Variants in CCSER1 observed in about 807,000 individuals in gnomAD.
CCSER1 encodes serine-rich coiled-coil domain-containing protein 1.
CCSER1 carries 41 observed loss-of-function variants against 82.0 expected under a neutral mutation model. The ratio of observed to expected loss-of-function variants is 0.50; its 90% confidence interval spans 0.39 to 0.65. CCSER1 has a LOEUF of 0.65. CCSER1 is among the 30% of genes least tolerant of loss of function. The pLI, the probability that CCSER1 is intolerant of heterozygous loss-of-function variation, is 0.00. For synonymous variants in CCSER1, 414 were observed against 383.9 expected (o/e 1.08, Z -0.92); for missense variants, 1,119 against 1,064.2 (o/e 1.05, Z -0.72).
chr4:90,324,175 G>A (rs1737694844), intron 3 of CCSER1, among the ~76,000 whole-genome samples: 1 of 152,158 alleles, frequency 6.6e-6, no homozygotes, highest in African/African-American at 2.4e-5. Flanking sequence ...AATCCTTTGG[G>A]TATATACCCA....
At chr4:91,152,909 G>A (rs1189892145) in intron 10 of CCSER1, among the ~76,000 whole-genome samples, 1 of 151,782 alleles carries the variant, frequency 6.6e-6, no homozygotes, top group Admixed American at 6.6e-5. Flanking sequence ...TCCCTATTTG[G>A]GTAACCCATC....
In CCSER1 at chr4:90,470,330, A is replaced by G. The variant is rs562059933; in HGVS notation, c.1724+1976A>G. ...TAATGATGCCATCTATCAAATGGAA[A>G]TTGTTTATGTCCTACATACCCAACA... On this transcript the variant is annotated intron_variant, in intron 5 of 10. Transcript: ENST00000509176. 7.2e-5 allele frequency among the ~76,000 whole-genome samples: 11 copies of G among 152,316 alleles called. No homozygotes were observed. In the South Asian group the frequency reaches 2.1e-3, roughly 29 times the overall value.
chr4:90,302,894 G>A (rs1185270189), intron 1 of CCSER1, among the ~76,000 whole-genome samples: 3 of 152,096 alleles, frequency 2.0e-5, no homozygotes, highest in Non-Finnish European at 4.4e-5. Context: ...AGTGAAAGCG[G>A]AGCATGAAGT....
intron 4 of CCSER1, among the ~76,000 whole-genome samples, chr4:90,449,403 G>A (rs1255756557): frequency 6.6e-6 from 1 of 152,326 alleles, no homozygotes; most frequent in East Asian, 1.9e-4. Context: ...CAGTTCCCAG[G>A]TTTCAAGCTA....
chr4:90,914,939 C>T (rs1727075915), intron 8 of CCSER1, among the ~76,000 whole-genome samples: 1 of 152,116 alleles, frequency 6.6e-6, no homozygotes, highest in Admixed American at 6.5e-5. Flanking sequence ...TTCCAGGACA[C>T]ATACAGCCTC....
chr4:91,474,812 T>TAC (rs67642697), intron 10 of CCSER1, among the ~76,000 whole-genome samples: 85 of 66,104 alleles, frequency 1.3e-3, no homozygotes, highest in South Asian at 4.5e-3. Context: ...TATATATATA[T>TAC]ACACACACAC....
At chr4:91,404,235 T>A (rs546534752) in intron 10 of CCSER1, among the ~76,000 whole-genome samples, 2 of 152,286 alleles carry the variant, frequency 1.3e-5, no homozygotes, top group South Asian at 4.1e-4. Flanking sequence ...GTGTGATCGG[T>A]GGTCATATCC....
intron 6 of CCSER1, among the ~76,000 whole-genome samples, chr4:90,656,321 T>C (rs1288462083): frequency 6.6e-6 from 1 of 151,772 alleles, no homozygotes; most frequent in East Asian, 1.9e-4. Context: ...TATGAATTTT[T>C]CTATTTATCT....
intron 10 of CCSER1, among the ~76,000 whole-genome samples, chr4:91,092,172 G>A (rs1053247849): frequency 6.6e-6 from 1 of 152,034 alleles, no homozygotes; most frequent in Admixed American, 6.6e-5. Flanking sequence ...CACCTTTCCG[G>A]AACTGTGAGG....
intron 9 of CCSER1, among the ~76,000 whole-genome samples, chr4:91,073,891 A>G (rs1383875170): frequency 1.3e-5 from 2 of 152,072 alleles, no homozygotes; most frequent in African/African-American, 2.4e-5. Context: ...ACAACTCTCT[A>G]TATCCTCCTC....
intron 9 of CCSER1, among the ~76,000 whole-genome samples, chr4:91,058,324 G>T (rs185065095): frequency 6.6e-6 from 1 of 151,980 alleles, no homozygotes; most frequent in East Asian, 1.9e-4. Flanking sequence ...AAAACAACAA[G>T]ATAATGTTCT....
intron 4 of CCSER1, among the ~76,000 whole-genome samples, chr4:90,461,659 A>G (rs1762948983): frequency 6.6e-6 from 1 of 151,992 alleles, no homozygotes; most frequent in Non-Finnish European, 1.5e-5. Context: ...CTTGGCTAGC[A>G]TCTTTTCTTT....
chr4:91,205,980 T>C (rs1296010856), intron 10 of CCSER1, among the ~76,000 whole-genome samples: 2 of 151,732 alleles, frequency 1.3e-5, no homozygotes, highest in Non-Finnish European at 2.9e-5. Context: ...CATCTTACAA[T>C]ATGAGAAGTG....
intron 8 of CCSER1, among the ~76,000 whole-genome samples, chr4:90,914,352 G>A (rs527810417): frequency 6.6e-5 from 10 of 152,078 alleles, no homozygotes; most frequent in East Asian, 3.8e-4. Context: ...ACTCAAAACC[G>A]CTCAACTACA....
chr4:90,693,106 T>C (rs1389929144), intron 6 of CCSER1, among the ~76,000 whole-genome samples: 1 of 151,944 alleles, frequency 6.6e-6, no homozygotes, highest in Non-Finnish European at 1.5e-5. Context: ...CACTAAATCT[T>C]ACTCTATTCA....
chr4:91,225,200 T>TATATA (rs1738054116), intron 10 of CCSER1, among the ~76,000 whole-genome samples: 1 of 141,222 alleles, frequency 7.1e-6, no homozygotes, highest in Non-Finnish European at 1.5e-5. Context: ...TTATATATAA[T>TATATA]ATATATAATA....
At chr4:91,547,926 C>T (rs1308743580) in intron 10 of CCSER1, among the ~76,000 whole-genome samples, 1 of 151,990 alleles carries the variant, frequency 6.6e-6, no homozygotes, top group Non-Finnish European at 1.5e-5. Flanking sequence ...GGATTACAGG[C>T]GCATGCCACC....
intron 1 of CCSER1, among the ~76,000 whole-genome samples, chr4:90,159,096 C>T (rs1451739629): frequency 1.3e-5 from 2 of 152,126 alleles, no homozygotes; most frequent in African/African-American, 4.8e-5. Context: ...TGTAGTGGTA[C>T]AATCATAGCT....
intron 7 of CCSER1, among the ~76,000 whole-genome samples, chr4:90,748,352 C>T (rs1747907926): frequency 6.6e-6 from 1 of 151,464 alleles, no homozygotes; most frequent in South Asian, 2.1e-4. Flanking sequence ...CATGTCCCTA[C>T]AAAGGACATG....
Sources: gnomAD v4.1 joint callset for allele counts (sites outside exome capture counted in the v4.1 genomes callset) on GRCh38, gnomAD v4.1.1 for gene constraint, MANE v1.5 for transcripts, NCBI Gene and HGNC (gene_info 2026-07-23, HGNC 2026-07-21) for gene names.